Variants in MAD1L1 observed in about 807,000 individuals in gnomAD.
MAD1L1 encodes mitotic arrest deficient 1 like 1.
A neutral mutation model predicts 96.9 loss-of-function variants in MAD1L1; 95 were observed. The observed-to-expected ratio is 0.98, with a 90% CI of 0.83 to 1.16. The LOEUF (loss-of-function observed/expected upper bound fraction) is 1.16, where lower values mean the gene tolerates loss of function less well. Among genes scored for constraint, MAD1L1 ranks in the 50% most tolerant of loss-of-function variants. The probability of loss-of-function intolerance (pLI) is 0.00; values close to 1 mark genes in which losing one functional copy is unlikely to be tolerated. For missense variants in MAD1L1, 1,007 were observed against 954.4 expected, an observed-to-expected ratio of 1.06 and a Z score of -0.73; for synonymous variants, 473 against 396.6, an observed-to-expected ratio of 1.19 and a Z score of -2.29.
At position 1,876,565 on chromosome 7, in the gene MAD1L1, G is replaced by T. The variant is rs1296122489; in HGVS notation, c.1998+21635C>A. Among the ~76,000 whole-genome samples, 3 of 152,122 alleles carry T rather than the reference G, an allele frequency of 2.0e-5. No individual in the cohort carries two copies. In the East Asian group the frequency reaches 5.8e-4, roughly 29 times the overall value. ...TTTGCTTCAGAATAATCCAGGAAGGGGGAAGAGGGTGGGATGGGCTCACAG... is the reference window on the plus strand; with the variant it reads ...TTTGCTTCAGAATAATCCAGGAAGGTGGAAGAGGGTGGGATGGGCTCACAG... On this transcript the variant is annotated intron_variant, in intron 18 of 18. Transcript: ENST00000265854.
intron 13 of MAD1L1, among the ~76,000 whole-genome samples, chr7:2,006,808 G>C (rs1161724184): frequency 6.6e-6 from 1 of 152,170 alleles, no homozygotes; most frequent in African/African-American, 2.4e-5. Flanking sequence ...AGGAAGCTTT[G>C]GGGGACAGGC....
chr7:1,876,092 G>A (rs1227218889), intron 18 of MAD1L1, among the ~76,000 whole-genome samples: 1 of 152,154 alleles, frequency 6.6e-6, no homozygotes, highest in Non-Finnish European at 1.5e-5. Flanking sequence ...CTCTGTGACG[G>A]CAACCCCAGC....
chr7:2,009,081 C>T (rs1382873580), intron 13 of MAD1L1, among the ~76,000 whole-genome samples: 1 of 152,234 alleles, frequency 6.6e-6, no homozygotes, highest in Non-Finnish European at 1.5e-5. Context: ...ACCCAAGCAG[C>T]TGAAGGGTCA....
At chr7:2,170,538 G>A (rs1163738708) in intron 10 of MAD1L1, among the ~76,000 whole-genome samples, 1 of 152,178 alleles carries the variant, frequency 6.6e-6, no homozygotes, top group Non-Finnish European at 1.5e-5. Context: ...CAGCCACATG[G>A]AGACATGAGG....
chr7:1,912,793 C>A (rs573052155), intron 17 of MAD1L1, among the ~76,000 whole-genome samples: 1 of 152,246 alleles, frequency 6.6e-6, no homozygotes, highest in East Asian at 1.9e-4. Flanking sequence ...GACGTGACCA[C>A]AGAACACGGC....
At chr7:2,122,151 G>C (rs1221544702) in intron 11 of MAD1L1, among the ~76,000 whole-genome samples, 1 of 152,214 alleles carries the variant, frequency 6.6e-6, no homozygotes, top group Non-Finnish European at 1.5e-5. Context: ...CCATCACCAA[G>C]AGAGGTCGGA....
intron 17 of MAD1L1, among the ~76,000 whole-genome samples, chr7:1,908,649 C>T (rs978598462): frequency 7.2e-5 from 11 of 152,158 alleles, no homozygotes; most frequent in Admixed American, 3.3e-4. Context: ...GTGTGAGCCC[C>T]GCACCCGGCC....
At chr7:2,022,743 T>A (rs1265016230) in intron 12 of MAD1L1, among the ~76,000 whole-genome samples, 1 of 152,096 alleles carries the variant, frequency 6.6e-6, no homozygotes, top group African/African-American at 2.4e-5. Context: ...GTGAATGATC[T>A]AAACACACCA....
chr7:1,874,328 G>T (rs183791487), intron 18 of MAD1L1, among the ~76,000 whole-genome samples: 20 of 152,268 alleles, frequency 1.3e-4, no homozygotes, highest in African/African-American at 4.8e-4. Flanking sequence ...AGGACAGAGG[G>T]GGTGACCGTG....
At chr7:1,818,195 C>T (rs1424881098) in intron 18 of MAD1L1, among the ~76,000 whole-genome samples, 6 of 152,058 alleles carry the variant, frequency 3.9e-5, no homozygotes, top group Non-Finnish European at 1.5e-5. Flanking sequence ...GGTGGGGAGG[C>T]AGTGTGGGAA....
chr7:1,934,209 C>G (rs1351734599), intron 17 of MAD1L1, among the ~76,000 whole-genome samples: 1 of 152,240 alleles, frequency 6.6e-6, no homozygotes, highest in African/African-American at 2.4e-5. Context: ...CCTCCCCTTC[C>G]TGCTTCCAGA....
rs117331322 is a variant in MAD1L1, at chr7:2,183,296, G to C, written c.986+29916C>G. ...ATTTAAAAACTAAAGAAAATGACAA[G>C]CCACAGACAGGGCAAAAATGTTGAC... On this transcript the variant is annotated intron_variant, in intron 10 of 18. Transcript: ENST00000265854. Among the ~76,000 whole-genome samples the C allele has an allele frequency of 2.2e-3, 336 of 151,708 alleles. 1 individual carries two copies. The highest frequency in any genetic ancestry group is 5.8e-3 in the South Asian group (28 of 4,812).
intron 10 of MAD1L1, among the ~76,000 whole-genome samples, chr7:2,161,256 G>A (rs1454438316): frequency 6.6e-5 from 10 of 151,676 alleles, no homozygotes; most frequent in South Asian, 2.1e-4. Context: ...GCAGGCGCGC[G>A]CCGCCAAGCC....
At chr7:2,202,594 G>A (rs892543535) in intron 10 of MAD1L1, among the ~76,000 whole-genome samples, 1 of 152,190 alleles carries the variant, frequency 6.6e-6, no homozygotes, top group African/African-American at 2.4e-5. Flanking sequence ...GCTCACACAA[G>A]TAGCCAGAAG....
chr7:2,218,395 C>T (rs1184281048), intron 6 of MAD1L1, among the ~76,000 whole-genome samples: 3 of 152,220 alleles, frequency 2.0e-5, no homozygotes, highest in Non-Finnish European at 4.4e-5. Context: ...GCGGTAGGGC[C>T]CCACCCAGGA....
chr7:2,139,103 C>T (rs1257971263), intron 11 of MAD1L1, among the ~76,000 whole-genome samples: 1 of 152,106 alleles, frequency 6.6e-6, no homozygotes, highest in African/African-American at 2.4e-5. Context: ...GGCGAGGCTG[C>T]CTCAGCCTCA....
chr7:1,937,587 C>T (rs567952362), intron 16 of MAD1L1, among the ~76,000 whole-genome samples: 1 of 151,506 alleles, frequency 6.6e-6, no homozygotes, highest in Non-Finnish European at 1.5e-5. Context: ...CAGCCGCCCA[C>T]AGCAGGGAAC....
At position 2,146,051 on chromosome 7, in the gene MAD1L1, T is replaced by C. The variant is rs1789283025; in HGVS notation, c.1073+3101A>G. 6.6e-6 allele frequency among the ~76,000 whole-genome samples: 1 copy of C among 152,178 alleles called. No individual in the cohort carries two copies. Among genetic ancestry groups the C allele is most frequent in the Admixed American group, 6.5e-5 (1 of 15,286 alleles). ...ACCCAGGAAGTGCATCAAGACTGCGTGGTGTAGGCTGCTCACAGCGGCACA... is the reference window on the plus strand; with the variant it reads ...ACCCAGGAAGTGCATCAAGACTGCGCGGTGTAGGCTGCTCACAGCGGCACA... On this transcript the variant is annotated intron_variant, in intron 11 of 18. Coordinates refer to ENST00000265854, the MANE Select transcript of MAD1L1 (RefSeq NM_001013836.2). The surrounding 1 kb of genome is among the most constrained non-coding windows in gnomAD (Gnocchi z 6.2).
rs964180635 is a variant in MAD1L1, at chr7:1,894,860, A to C, written c.1998+3340T>G. ...GCTGGGGGAAAGAGGCTGTGAAAAG[A>C]AGCCTAGGGAGAAATGGAGCAAGAA... On this transcript the variant is annotated intron_variant, in intron 18 of 18. Coordinates refer to ENST00000265854, the MANE Select transcript of MAD1L1 (RefSeq NM_001013836.2). Among the ~76,000 whole-genome samples the C allele has an allele frequency of 2.0e-5, 3 of 152,048 alleles. No homozygotes were observed. The East Asian group carries it at 5.8e-4, about 29-fold the overall frequency.
Sources: allele counts gnomAD v4.1 joint callset (sites outside exome capture counted in the v4.1 genomes callset), GRCh38; gene constraint gnomAD v4.1.1; non-coding constraint Gnocchi (gnomAD v3.1); transcripts MANE v1.5; gene names NCBI Gene and HGNC (gene_info 2026-07-23, HGNC 2026-07-21).